The following PIAS1 variants were observed in gnomAD, a reference collection of about 807,000 sequenced individuals.
PIAS1 encodes the protein protein inhibitor of activated STAT 1, also known as E3 SUMO-protein ligase PIAS1.
In PIAS1, 6 loss-of-function variants were observed where a neutral mutation model predicts 71.3. That is an observed-to-expected ratio of 0.08 (90% CI 0.05 to 0.17). The LOEUF (loss-of-function observed/expected upper bound fraction) is 0.17. Ranked by LOEUF, PIAS1 falls within the 10% of genes least tolerant of loss-of-function variation. The pLI, the probability that PIAS1 is intolerant of heterozygous loss-of-function variation, is 1.00. For missense variants in PIAS1, 555 were observed against 793.6 expected (o/e 0.70, Z 3.61); for synonymous variants, 303 against 292.9 (o/e 1.03, Z -0.35).
intron 7 of PIAS1, among the ~76,000 whole-genome samples, chr15:68,163,942 G>C (rs1238963596): frequency 1.3e-5 from 2 of 152,120 alleles, no homozygotes; most frequent in Non-Finnish European, 2.9e-5. Context: ...GAAGTTTTCA[G>C]AGGTAACAGC....
At chr15:68,163,620 A>T (rs2092938413) in intron 7 of PIAS1, among the ~76,000 whole-genome samples, 1 of 152,226 alleles carries the variant, frequency 6.6e-6, no homozygotes, top group Non-Finnish European at 1.5e-5. Flanking sequence ...ACTAAAATCC[A>T]GGGGACTGTG....
At chr15:68,165,780 ATAAT>A (rs1051674642) in intron 8 of PIAS1, among the ~76,000 whole-genome samples, 144 of 152,308 alleles carry the variant, frequency 9.5e-4, no homozygotes, top group African/African-American at 3.3e-3. Context: ...GAAAAATTTA[ATAAT>A]TAATTACCTT....
Position 68,178,568 on chromosome 15 carries a change from A to G in PIAS1, c.1481+1914A>G, listed in dbSNP as rs1460809374. ...TAGAACAAGTATCTATAGAATTTCA[A>G]TTCCAAGATATTTTGTAAATATCAA... is the stretch of plus-strand genomic sequence containing the variant. On this transcript the variant is annotated intron_variant, in intron 11 of 13. Transcript: ENST00000249636. The surrounding 1 kb of genome is among the most constrained non-coding windows in gnomAD (Gnocchi z 4.2). 6.6e-6 allele frequency among the ~76,000 whole-genome samples: 1 copy of G among 152,238 alleles called. No individual in the cohort carries two copies. Among genetic ancestry groups the G allele is most frequent in the Non-Finnish European group, 1.5e-5 (1 of 68,042 alleles).
chr15:68,062,443 G>A (rs79429402), intron 1 of PIAS1, among the ~76,000 whole-genome samples: 3,156 of 152,234 alleles, frequency 0.021, 111 homozygotes, highest in African/African-American at 0.072. Context: ...TCACAAAGTT[G>A]TGTAACCATT....
intron 2 of PIAS1, among the ~76,000 whole-genome samples, chr15:68,095,439 AT>A (rs2092366082): frequency 1.3e-5 from 2 of 151,484 alleles, no homozygotes; most frequent in South Asian, 4.2e-4. Flanking sequence ...GGAGAATCTA[AT>A]TTTGGCGATC....
chr15:68,072,902 A>G (rs1181410376), intron 1 of PIAS1, among the ~76,000 whole-genome samples: 1 of 152,228 alleles, frequency 6.6e-6, no homozygotes, highest in Non-Finnish European at 1.5e-5. Flanking sequence ...TTTGCCCTTA[A>G]AACTAAAAAA....
At chr15:68,152,174 C>T (rs1465894569) in intron 6 of PIAS1, among the ~76,000 whole-genome samples, 1 of 151,870 alleles carries the variant, frequency 6.6e-6, no homozygotes, top group Non-Finnish European at 1.5e-5. Context: ...TGGTCCCGAT[C>T]TCCTGACCTC....
At chr15:68,057,392 G>A (rs2091907707) in intron 1 of PIAS1, 1 of 367,764 alleles carries the variant, frequency 2.7e-6, no homozygotes, top group Middle Eastern at 4.3e-4. Context: ...ACAGCTTCAT[G>A]AAACTCCTCT....
At position 68,187,810 on chromosome 15, in the gene PIAS1, T is replaced by C; in HGVS notation, c.1931T>C (p.Ile644Thr). 1 of 1,613,686 alleles carries C rather than the reference T, an allele frequency of 6.2e-7. No individual in the cohort carries two copies. The highest frequency in any genetic ancestry group is 1.3e-5 in the African/African-American group (1 of 75,042). ...STDTASIFGIIPDIISLD is the reference protein window; with the variant it reads ...STDTASIFGITPDIISLD ...GACACGGCATCCATCTTTGGCATCA[T>C]ACCAGACATTATTTCATTGGACTGA... The change falls in exon 14 of 14, where the codon ATA becomes ACA. Residue 644 changes from isoleucine to threonine, a missense_variant. Physicochemically the swap from Ile to Thr is moderately conservative, Grantham distance 89. Transcript: ENST00000249636. This position sits in a 1 kb window ranked among gnomAD's most constrained non-coding sequence, Gnocchi z 5.3.
chr15:68,130,979 A>G (rs916939201), intron 2 of PIAS1, among the ~76,000 whole-genome samples: 1 of 152,144 alleles, frequency 6.6e-6, no homozygotes, highest in African/African-American at 2.4e-5. Flanking sequence ...AATAATTCTA[A>G]GGTTTCTCTA....
Position 68,174,998 on chromosome 15 carries a change from A to G in PIAS1, c.1170-639A>G, listed in dbSNP as rs2093012870. Among the ~76,000 whole-genome samples, 1 of 152,226 alleles carries G rather than the reference A, an allele frequency of 6.6e-6. No homozygotes were observed. The highest frequency in any genetic ancestry group is 6.5e-5 in the Admixed American group (1 of 15,278). On this transcript the variant is annotated intron_variant, in intron 9 of 13. Transcript: ENST00000249636. This position sits in a 1 kb window ranked among gnomAD's most constrained non-coding sequence, Gnocchi z 4.0. ...TTCTTGTTATAAAAGCCATGTACACACATACTCTTTTAAAGAAAAATTGGA... is the reference window on the plus strand; with the variant it reads ...TTCTTGTTATAAAAGCCATGTACACGCATACTCTTTTAAAGAAAAATTGGA...
At chr15:68,089,826 G>T (rs2092318156) in intron 2 of PIAS1, among the ~76,000 whole-genome samples, 2 of 151,974 alleles carry the variant, frequency 1.3e-5, no homozygotes, top group South Asian at 4.2e-4. Context: ...AAAGTGCTGG[G>T]ATTACAGGTG....
chr15:68,075,591 G>A (rs549542500), intron 1 of PIAS1, among the ~76,000 whole-genome samples: 1 of 152,180 alleles, frequency 6.6e-6, no homozygotes, highest in East Asian at 1.9e-4. Context: ...TCTGTAACTA[G>A]TAGAATATTC....
intron 6 of PIAS1, among the ~76,000 whole-genome samples, chr15:68,151,707 C>CACACACACAAAAAAAA (rs140053964): frequency 7.4e-6 from 1 of 134,408 alleles, no homozygotes; most frequent in African/African-American, 2.8e-5. Flanking sequence ...CACACACACA[C>CACACACACAAAAAAAA]AAATTAGCTA....
At chr15:68,106,935 A>G (rs1326295121) in intron 2 of PIAS1, among the ~76,000 whole-genome samples, 9 of 152,196 alleles carry the variant, frequency 5.9e-5, no homozygotes, top group Non-Finnish European at 1.2e-4. Context: ...TAGGGGCCAC[A>G]TAGTTTGAAA....
chr15:68,092,758 G>A (rs1453551716), intron 2 of PIAS1, among the ~76,000 whole-genome samples: 1 of 152,182 alleles, frequency 6.6e-6, no homozygotes, highest in East Asian at 1.9e-4. Flanking sequence ...ACAGCTAAAA[G>A]GTGCTGTCTA....
chr15:68,162,824 C>T (rs2092933533), intron 7 of PIAS1, among the ~76,000 whole-genome samples: 1 of 152,330 alleles, frequency 6.6e-6, no homozygotes, highest in South Asian at 2.1e-4. Context: ...AATCCTCCTA[C>T]CTCAGGCTCC....
chr15:68,139,323 A>G (rs781007881), intron 2 of PIAS1, among the ~76,000 whole-genome samples: 9 of 152,210 alleles, frequency 5.9e-5, no homozygotes, highest in Non-Finnish European at 5.9e-5. Context: ...TAAAGGCCAC[A>G]TCTCACACAT....
In PIAS1 at chr15:68,187,876, T is replaced by G; in HGVS notation, c.*41T>G. Reference sequence around the variant, plus strand: ...GCTCCCATCCCCACCCCAGATCGAATGAACTTGGCAGAAAGAAGAGAACTT... The same window carrying G: ...GCTCCCATCCCCACCCCAGATCGAAGGAACTTGGCAGAAAGAAGAGAACTT... On this transcript the variant is annotated 3_prime_UTR_variant, in exon 14 of 14. Transcript: ENST00000249636. The surrounding 1 kb of genome is among the most constrained non-coding windows in gnomAD (Gnocchi z 5.3). 6.4e-7 allele frequency: 1 copy of G among 1,562,852 alleles called. No individual in the cohort carries two copies. The highest frequency in any genetic ancestry group is 8.8e-7 in the Non-Finnish European group (1 of 1,141,460).
Sources: gnomAD v4.1 joint callset for allele counts (sites outside exome capture counted in the v4.1 genomes callset) on GRCh38, gnomAD v4.1.1 for gene constraint, Gnocchi (gnomAD v3.1) non-coding constraint, MANE v1.5 for transcripts, NCBI Gene and HGNC (gene_info 2026-07-23, HGNC 2026-07-21) for gene names.